FER1L6: variants seen among roughly 807,000 people sequenced by gnomAD.
FER1L6 encodes fer-1 like family member 6.
Under a neutral mutation model 219.2 loss-of-function variants are expected in FER1L6, and 177 were observed. The observed-to-expected ratio is 0.81, with a 90% CI of 0.71 to 0.91. The LOEUF is 0.91. Among genes scored for constraint, FER1L6 ranks in the 40% least tolerant of loss-of-function variants. The pLI is 0.00. For missense variants in FER1L6, 2,153 were observed against 2,259.9 expected, an observed-to-expected ratio of 0.95 and a Z score of 0.96; for synonymous variants, 768 against 824.3, an observed-to-expected ratio of 0.93 and a Z score of 1.17.
intron 1 of FER1L6, among the ~76,000 whole-genome samples, chr8:123,892,128 A>AT (rs1812657719): frequency 6.6e-6 from 1 of 152,264 alleles, no homozygotes; most frequent in East Asian, 1.9e-4. Context: ...AATCAGATAG[A>AT]TTTGTTTATA....
rs532640511 is a variant in FER1L6, at chr8:124,087,904, C to CTT, written c.4392-3515_4392-3514dup. ...ATTCCCTGGATTACAGGCAGAGACT[C>CTT]TTTTTCTCCTTTCTTTTCCCCAAAC... On this transcript the variant is annotated intron_variant, in intron 33 of 40. Coordinates refer to ENST00000522917, the MANE Select transcript of FER1L6 (RefSeq NM_001039112.2). 2.0e-5 allele frequency among the ~76,000 whole-genome samples: 3 copies of CTT among 152,272 alleles called. No individual in the cohort carries two copies. In the East Asian group the frequency reaches 5.8e-4, roughly 30 times the overall value.
At chr8:123,863,792 A>G (rs1473375584) in intron 1 of FER1L6, among the ~76,000 whole-genome samples, 2 of 149,614 alleles carry the variant, frequency 1.3e-5, no homozygotes, top group Non-Finnish European at 3.0e-5. Context: ...ATCAGAGACT[A>G]GGATTGCAAC....
chr8:124,118,182 G>A (rs1293071693), intron 39 of FER1L6, among the ~76,000 whole-genome samples: 1 of 152,154 alleles, frequency 6.6e-6, no homozygotes, highest in Admixed American at 6.5e-5. Flanking sequence ...AGAGAAAATG[G>A]CTCTTAACTT....
intron 33 of FER1L6, among the ~76,000 whole-genome samples, chr8:124,083,320 G>C (rs2130917724): frequency 6.6e-6 from 1 of 152,228 alleles, no homozygotes; most frequent in South Asian, 2.1e-4. Flanking sequence ...GTTTAAGTGA[G>C]AACATGCAAA....
intron 1 of FER1L6, among the ~76,000 whole-genome samples, chr8:123,887,683 C>T (rs987029605): frequency 4.1e-5 from 4 of 97,972 alleles, no homozygotes; most frequent in Admixed American, 2.0e-4. Context: ...CTTTTGGGGG[C>T]TTGTTTGAAA....
chr8:124,055,826 GTGTTCC>G (rs1343971468), intron 22 of FER1L6, among the ~76,000 whole-genome samples: 1 of 152,164 alleles, frequency 6.6e-6, no homozygotes, highest in Non-Finnish European at 1.5e-5. Flanking sequence ...CAGCAGGTCT[GTGTTCC>G]TTCTGGAGGC....
At chr8:124,084,437 T>C (rs2130921589) in intron 33 of FER1L6, among the ~76,000 whole-genome samples, 1 of 152,256 alleles carries the variant, frequency 6.6e-6, no homozygotes, top group African/African-American at 2.4e-5. Context: ...GTCCCTTCTA[T>C]ACTCAAGTTT....
At chr8:123,872,050 C>T (rs1448086312) in intron 1 of FER1L6, among the ~76,000 whole-genome samples, 1 of 152,148 alleles carries the variant, frequency 6.6e-6, no homozygotes, top group Non-Finnish European at 1.5e-5. Flanking sequence ...CCTCAGGAAG[C>T]TTCCAAACAT....
intron 12 of FER1L6, among the ~76,000 whole-genome samples, chr8:124,001,703 C>G (rs1817418192): frequency 2.0e-5 from 3 of 152,182 alleles, no homozygotes; most frequent in Admixed American, 1.3e-4. Flanking sequence ...CTCTTAAGGA[C>G]ATAGAAACAC....
chr8:123,899,244 C>T (rs970445862), intron 1 of FER1L6, among the ~76,000 whole-genome samples: 2 of 152,060 alleles, frequency 1.3e-5, no homozygotes, highest in Non-Finnish European at 2.9e-5. Context: ...ATTGGCAATT[C>T]CCTGATCATT....
At chr8:124,008,076 T>G (rs1339195421) in intron 13 of FER1L6, among the ~76,000 whole-genome samples, 1 of 152,148 alleles carries the variant, frequency 6.6e-6, no homozygotes, top group Non-Finnish European at 1.5e-5. Flanking sequence ...TTTGTAGTCT[T>G]TTATCCCTCA....
intron 34 of FER1L6, among the ~76,000 whole-genome samples, chr8:124,093,803 ATTATT>A (rs1822157745): frequency 2.0e-5 from 3 of 151,032 alleles, no homozygotes; most frequent in Admixed American, 6.6e-5. Context: ...AATTATTTTT[ATTATT>A]TTAATTTTTG....
intron 1 of FER1L6, among the ~76,000 whole-genome samples, chr8:123,929,207 C>T (rs777845264): frequency 3.3e-5 from 5 of 152,194 alleles, no homozygotes; most frequent in Non-Finnish European, 5.9e-5. Context: ...TCATTTAACA[C>T]GTTTTATTGA....
intron 17 of FER1L6, 107 bp downstream of exon 17, chr8:124,021,776 C>T: frequency 1.5e-6 from 2 of 1,365,058 alleles, no homozygotes; most frequent in Admixed American, 1.8e-5. Flanking sequence ...TTTTTCTCCC[C>T]AGCCCTAGTG....
chr8:124,011,279 C>G (rs1817907913), intron 14 of FER1L6, among the ~76,000 whole-genome samples: 1 of 152,148 alleles, frequency 6.6e-6, no homozygotes, highest in African/African-American at 2.4e-5. Context: ...AGCCAAATTC[C>G]AGGGCTCAGT....
At position 124,070,448 on chromosome 8, in the gene FER1L6, T is replaced by G; in HGVS notation, c.3835-19T>G. On this transcript the variant is annotated intron_variant, in intron 29 of 40. Coordinates refer to ENST00000522917, the MANE Select transcript of FER1L6 (RefSeq NM_001039112.2). ...GGCTTTCCTTCCTCTTAGCACAATC[T>G]TCTCCCTTTTCCCTAAAGATATATG... 6.2e-7 allele frequency: 1 copy of G among 1,612,082 alleles called. No individual in the cohort carries two copies. The highest frequency in any genetic ancestry group is 1.1e-5 in the South Asian group (1 of 90,890).
chr8:124,059,926 A>G (rs1820481851), intron 22 of FER1L6, among the ~76,000 whole-genome samples: 2 of 152,028 alleles, frequency 1.3e-5, no homozygotes, highest in African/African-American at 4.8e-5. Context: ...TCCCCTCTAT[A>G]CTGTGAGCTC....
intron 1 of FER1L6, among the ~76,000 whole-genome samples, chr8:123,948,792 T>A (rs892043452): frequency 1.1e-4 from 16 of 151,956 alleles, no homozygotes; most frequent in African/African-American, 2.9e-4. Flanking sequence ...TTTTTTTTTT[T>A]AAATATCAGA....
chr8:123,943,961 TGGCTGTGATTGATATCTAGGA>T (rs975796929), intron 1 of FER1L6, among the ~76,000 whole-genome samples: 1 of 152,074 alleles, frequency 6.6e-6, no homozygotes, highest in African/African-American at 2.4e-5. Context: ...TGAAAAATGG[TGGCTGTGATTGATATCTAGGA>T]GGTAACATAG....
Sources: gnomAD v4.1 joint callset for allele counts (sites outside exome capture counted in the v4.1 genomes callset) on GRCh38, gnomAD v4.1.1 for gene constraint, MANE v1.5 for transcripts, NCBI Gene and HGNC (gene_info 2026-07-23, HGNC 2026-07-21) for gene names.